Variants in NPAS3 observed in about 807,000 individuals in gnomAD.
NPAS3 encodes neuronal PAS domain protein 3.
A neutral mutation model predicts 73.1 loss-of-function variants in NPAS3; 14 were observed. The observed-to-expected ratio is 0.19, with a 90% confidence interval of 0.13 to 0.30. NPAS3 has a LOEUF of 0.30. Among genes scored for constraint, NPAS3 ranks in the 10% least tolerant of loss-of-function variants. The probability of loss-of-function intolerance (pLI) is 1.00; values close to 1 mark genes in which losing one functional copy is unlikely to be tolerated. For missense variants in NPAS3, 1,096 were observed against 1,250.0 expected (o/e 0.88, Z 1.86); for synonymous variants, 620 against 541.5 (o/e 1.14, Z -2.01).
At chr14:33,235,838 G>A (rs1191391796) in intron 3 of NPAS3, among the ~76,000 whole-genome samples, 1 of 128,046 alleles carries the variant, frequency 7.8e-6, no homozygotes, top group Non-Finnish European at 1.6e-5. Context: ...TTGAGACAGG[G>A]TGTTGCTCTG....
intron 2 of NPAS3, among the ~76,000 whole-genome samples, chr14:33,123,861 C>CTTTT (rs35332896): frequency 1.2e-4 from 10 of 81,138 alleles, no homozygotes; most frequent in Non-Finnish European, 2.7e-4. Context: ...TTCTTTCTTT[C>CTTTT]TTTTTTTTTT....
intron 6 of NPAS3, among the ~76,000 whole-genome samples, chr14:33,728,147 C>G (rs890826442): frequency 2.0e-5 from 3 of 152,150 alleles, no homozygotes; most frequent in African/African-American, 7.2e-5. Context: ...TCTTCTCCCT[C>G]AGGGGACAGT....
At chr14:33,352,219 G>A (rs2045098672) in intron 3 of NPAS3, among the ~76,000 whole-genome samples, 1 of 152,140 alleles carries the variant, frequency 6.6e-6, no homozygotes, top group Non-Finnish European at 1.5e-5. Flanking sequence ...AAATAAAGCA[G>A]GTATGTTCAC....
At chr14:33,588,863 G>A (rs117551809) in intron 5 of NPAS3, among the ~76,000 whole-genome samples, 1 of 151,930 alleles carries the variant, frequency 6.6e-6, no homozygotes, top group African/African-American at 2.4e-5. Flanking sequence ...GTGATCTACC[G>A]GCCCACCTCA....
chr14:33,648,212 G>A (rs1453199254), intron 5 of NPAS3, among the ~76,000 whole-genome samples: 1 of 152,162 alleles, frequency 6.6e-6, no homozygotes, highest in African/African-American at 2.4e-5. Context: ...GGGGCTGTCT[G>A]CCCACTACAG....
At chr14:33,792,919 A>G (rs928059133) in intron 9 of NPAS3, among the ~76,000 whole-genome samples, 6 of 152,250 alleles carry the variant, frequency 3.9e-5, no homozygotes, top group African/African-American at 1.4e-4. Flanking sequence ...TGCGATCCGC[A>G]GCCAAGTAAT....
At chr14:33,731,633 GAACA>G (rs2140623954) in intron 6 of NPAS3, among the ~76,000 whole-genome samples, 1 of 152,134 alleles carries the variant, frequency 6.6e-6, no homozygotes, top group Non-Finnish European at 1.5e-5. Context: ...ATAACAAGGG[GAACA>G]GCAACCACAC....
intron 7 of NPAS3, among the ~76,000 whole-genome samples, chr14:33,739,115 T>A (rs1402111215): frequency 6.6e-6 from 1 of 152,206 alleles, no homozygotes; most frequent in African/African-American, 2.4e-5. Flanking sequence ...CTGGCAAACG[T>A]AGGCAAACGG....
intron 3 of NPAS3, among the ~76,000 whole-genome samples, chr14:33,330,705 G>T (rs758222175): frequency 6.6e-6 from 1 of 152,136 alleles, no homozygotes; most frequent in Non-Finnish European, 1.5e-5. Flanking sequence ...CTCAGAGGCC[G>T]GCAGATAAAT....
At position 33,559,282 on chromosome 14, in the gene NPAS3, CATT is replaced by C. The variant is rs576176388; in HGVS notation, c.469-836_469-834del. On this transcript the variant is annotated intron_variant, in intron 4 of 11. Transcript: ENST00000356141. ...AGTTTGTAAGATTGCAGCCCATAAA[CATT>C]ATCCCTTAATGTATTGACATTTCCT... Among the ~76,000 whole-genome samples the C allele has an allele frequency of 1.2e-3, 185 of 152,304 alleles. 1 individual carries two copies. Among genetic ancestry groups the C allele is most frequent in the African/African-American group, 4.1e-3 (169 of 41,570 alleles).
chr14:33,549,004 C>T (rs2054980155), intron 4 of NPAS3, among the ~76,000 whole-genome samples: 1 of 152,176 alleles, frequency 6.6e-6, no homozygotes, highest in Admixed American at 6.5e-5. Context: ...TTAGTAATTA[C>T]AGGAGCATAT....
At chr14:33,793,437 C>T (rs1401275234) in intron 9 of NPAS3, among the ~76,000 whole-genome samples, 2 of 152,164 alleles carry the variant, frequency 1.3e-5, no homozygotes, top group Non-Finnish European at 1.5e-5. Flanking sequence ...ATTGCTCACA[C>T]GGAGGAGAAA....
intron 2 of NPAS3, among the ~76,000 whole-genome samples, chr14:33,093,884 C>T (rs190831858): frequency 2.5e-4 from 38 of 151,090 alleles, no homozygotes; most frequent in African/African-American, 8.2e-4. Flanking sequence ...AAACCAAATA[C>T]CGTATGTTCT....
intron 1 of NPAS3, among the ~76,000 whole-genome samples, chr14:32,969,109 G>A (rs1411026581): frequency 6.6e-6 from 1 of 152,166 alleles, no homozygotes; most frequent in Non-Finnish European, 1.5e-5. Context: ...ATGTGGTTGT[G>A]GACAGGCCTT....
chr14:32,972,140 A>G (rs1027693773), intron 1 of NPAS3, among the ~76,000 whole-genome samples: 2 of 151,668 alleles, frequency 1.3e-5, no homozygotes, highest in African/African-American at 4.8e-5. Flanking sequence ...GAGTTTCACC[A>G]TGTTAGCCAG....
intron 2 of NPAS3, among the ~76,000 whole-genome samples, chr14:33,131,433 C>T (rs1480146372): frequency 1.7e-3 from 6 of 3,536 alleles, no homozygotes; most frequent in Non-Finnish European, 2.5e-3. Context: ...CTGACTTCCA[C>T]GTGGTTAAGC....
intron 1 of NPAS3, among the ~76,000 whole-genome samples, chr14:32,946,463 A>G (rs991532657): frequency 1.4e-4 from 22 of 151,854 alleles, no homozygotes; most frequent in African/African-American, 5.1e-4. Context: ...GGTTGGTCTG[A>G]TACATAACAG....
intron 4 of NPAS3, among the ~76,000 whole-genome samples, chr14:33,545,827 A>G (rs957470213): frequency 6.6e-6 from 1 of 152,214 alleles, no homozygotes; most frequent in Non-Finnish European, 1.5e-5. Flanking sequence ...GTCACTGTAT[A>G]GTGCCAGATC....
At chr14:33,404,655 A>G (rs892579298) in intron 4 of NPAS3, among the ~76,000 whole-genome samples, 3 of 152,042 alleles carry the variant, frequency 2.0e-5, no homozygotes, top group Non-Finnish European at 2.9e-5. Flanking sequence ...TTTGGCTATC[A>G]GGTCCTTGAA....
Sources: allele counts gnomAD v4.1 joint callset (sites outside exome capture counted in the v4.1 genomes callset), GRCh38; gene constraint gnomAD v4.1.1; transcripts MANE v1.5; gene names NCBI Gene and HGNC (gene_info 2026-07-23, HGNC 2026-07-21).